CFAP20DC: variants seen among roughly 807,000 people sequenced by gnomAD.
CFAP20DC encodes the protein protein CFAP20DC.
A neutral mutation model predicts 101.7 loss-of-function variants in CFAP20DC; 84 were observed. The ratio of observed to expected loss-of-function variants is 0.83; its 90% confidence interval spans 0.69 to 0.99. The LOEUF is 0.99. Among genes scored for constraint, CFAP20DC ranks in the 50% least tolerant of loss-of-function variants. The probability of loss-of-function intolerance (pLI) is 0.00; values close to 1 mark genes in which losing one functional copy is unlikely to be tolerated. For synonymous variants in CFAP20DC, 359 were observed against 351.2 expected, an observed-to-expected ratio of 1.02 and a Z score of -0.25; for missense variants, 1,007 against 970.3, an observed-to-expected ratio of 1.04 and a Z score of -0.50.
rs116120408 is a variant in CFAP20DC, at chr3:58,884,448, A to G, written c.715+97T>C. ...ATACTCTGTTAAGTGCGAAGGATATAGAAGAATGAGGTACAGTGCCCTTTT... is the reference window on the plus strand; with the variant it reads ...ATACTCTGTTAAGTGCGAAGGATATGGAAGAATGAGGTACAGTGCCCTTTT... On this transcript the variant is annotated intron_variant, in intron 7 of 16. Transcript: ENST00000482387. 1,194 of 1,143,836 alleles carry G rather than the reference A, an allele frequency of 1.0e-3. 10 individuals carry two copies. In the African/African-American group the frequency reaches 0.017, roughly 16 times the overall value. The allele number at this position is 1,143,836 out of a possible 1,614,324, so 70.9% of individuals were successfully genotyped here.
At chr3:58,991,941 CA>C (rs1559955630) in intron 4 of CFAP20DC, among the ~76,000 whole-genome samples, 1 of 152,134 alleles carries the variant, frequency 6.6e-6, no homozygotes, top group African/African-American at 2.4e-5. Flanking sequence ...CAAGTAGGTT[CA>C]AAATGTTACT....
intron 10 of CFAP20DC, among the ~76,000 whole-genome samples, chr3:58,867,076 C>T (rs1232271153): frequency 6.6e-6 from 1 of 151,968 alleles, no homozygotes; most frequent in Non-Finnish European, 1.5e-5. Context: ...CTTTTTTCAT[C>T]AGCATGTTAA....
At position 59,002,773 on chromosome 3, in the gene CFAP20DC, G is replaced by C. The variant is rs1411507077; in HGVS notation, c.278+36784C>G. Among the ~76,000 whole-genome samples the C allele has an allele frequency of 6.6e-6, 1 of 152,130 alleles. No individual in the cohort carries two copies. Among genetic ancestry groups the C allele is most frequent in the Non-Finnish European group, 1.5e-5 (1 of 68,026 alleles). On this transcript the variant is annotated intron_variant, in intron 4 of 16. Transcript: ENST00000482387. The surrounding 1 kb of genome is among the most constrained non-coding windows in gnomAD (Gnocchi z 4.5). ...TTATTTTAAGTAAATATAAAAAAGAGAGCATTTGTGACCTTCTTTTAACAA... is the reference window on the plus strand; with the variant it reads ...TTATTTTAAGTAAATATAAAAAAGACAGCATTTGTGACCTTCTTTTAACAA...
At chr3:58,846,825 C>T (rs1385531484) in intron 13 of CFAP20DC, among the ~76,000 whole-genome samples, 1 of 147,376 alleles carries the variant, frequency 6.8e-6, no homozygotes, top group Non-Finnish European at 1.5e-5. Flanking sequence ...AGATATAGAT[C>T]AATGGAACAG....
intron 4 of CFAP20DC, among the ~76,000 whole-genome samples, chr3:58,972,224 G>A (rs2091992325): frequency 6.6e-6 from 1 of 152,142 alleles, no homozygotes. Flanking sequence ...TCATACCCAT[G>A]AGGGGAATCA....
At chr3:58,966,739 G>A (rs907413388) in intron 4 of CFAP20DC, among the ~76,000 whole-genome samples, 1 of 151,792 alleles carries the variant, frequency 6.6e-6, no homozygotes, top group African/African-American at 2.4e-5. Context: ...TGGCCAGCCT[G>A]GTCTCAAACT....
intron 15 of CFAP20DC, among the ~76,000 whole-genome samples, chr3:58,756,297 C>T (rs138149954): frequency 0.013 from 2,047 of 152,124 alleles, 30 homozygotes; most frequent in Non-Finnish European, 0.024. Context: ...TGGAAGTTAC[C>T]GAAAGTAGCT....
chr3:58,781,733 A>C (rs2071847354), intron 15 of CFAP20DC, among the ~76,000 whole-genome samples: 1 of 152,150 alleles, frequency 6.6e-6, no homozygotes, highest in East Asian at 1.9e-4. Flanking sequence ...AGATTAAATC[A>C]AGAAGAAACA....
intron 7 of CFAP20DC, among the ~76,000 whole-genome samples, chr3:58,883,279 G>T (rs1424263086): frequency 6.6e-6 from 1 of 152,108 alleles, no homozygotes; most frequent in Non-Finnish European, 1.5e-5. Flanking sequence ...TTTAAGCCTG[G>T]ATTGCTGCAG....
chr3:58,949,459 G>A (rs576369110), intron 4 of CFAP20DC, among the ~76,000 whole-genome samples: 97 of 152,040 alleles, frequency 6.4e-4, no homozygotes, highest in African/African-American at 2.1e-3. Context: ...CTTTGAATGC[G>A]TCCCAGAGAT....
chr3:58,870,248 ATGACAAACATCT>A lies in CFAP20DC; in HGVS notation c.765_776del (p.Gln255_Cys258del). On this transcript the variant is annotated inframe_deletion, in exon 8 of 17. Coordinates refer to ENST00000482387, the MANE Select transcript of CFAP20DC (RefSeq NM_001394063.1). The stretch of plus-strand genomic sequence containing the variant: ...CAAGAACTTTGGATCCAAATGCGAT[ATGACAAACATCT>A]TGATTTTTACTGTTCCGTGTAATAC... 3.1e-6 allele frequency: 5 copies of A among 1,614,040 alleles called. No individual in the cohort carries two copies. The highest frequency in any genetic ancestry group is 4.2e-6 in the Non-Finnish European group (5 of 1,179,878).
chr3:58,733,455 C>A (rs534533501), intron 3 of CFAP20DC, among the ~76,000 whole-genome samples: 1 of 152,084 alleles, frequency 6.6e-6, no homozygotes, highest in Admixed American at 6.5e-5. Flanking sequence ...AATGTATTAA[C>A]AGATAAAGAT....
chr3:59,017,354 A>G (rs931133665), intron 4 of CFAP20DC: 1 of 152,058 alleles, frequency 6.6e-6, no homozygotes, highest in Non-Finnish European at 1.5e-5. Flanking sequence ...CATCCCAAAA[A>G]ACTTGCGATT....
At chr3:58,759,602 C>T (rs1264234976) in intron 15 of CFAP20DC, among the ~76,000 whole-genome samples, 2 of 152,164 alleles carry the variant, frequency 1.3e-5, no homozygotes. Flanking sequence ...GACATGAAGT[C>T]CTTGCCCATG....
intron 6 of CFAP20DC, among the ~76,000 whole-genome samples, chr3:58,901,404 T>G (rs995722126): frequency 3.3e-5 from 5 of 152,224 alleles, no homozygotes; most frequent in Admixed American, 3.3e-4. Flanking sequence ...CTGTGTGACC[T>G]TGGCACAACA....
intron 15 of CFAP20DC, among the ~76,000 whole-genome samples, chr3:58,791,439 G>A (rs377408171): frequency 1.2e-4 from 19 of 152,042 alleles, no homozygotes; most frequent in African/African-American, 4.1e-4. Flanking sequence ...CCAACCTTTT[G>A]ATTCTAGAGA....
chr3:58,959,972 T>C (rs1398670393), intron 4 of CFAP20DC, among the ~76,000 whole-genome samples: 5 of 152,230 alleles, frequency 3.3e-5, no homozygotes, highest in Admixed American at 2.0e-4. Flanking sequence ...TTAAATTTTC[T>C]GGTTTTTTTT....
At chr3:58,774,881 G>A (rs777775032) in intron 15 of CFAP20DC, among the ~76,000 whole-genome samples, 1 of 152,138 alleles carries the variant, frequency 6.6e-6, no homozygotes, top group Non-Finnish European at 1.5e-5. Context: ...GCTGTCTGGA[G>A]TTTTATCTGT....
intron 12 of CFAP20DC, among the ~76,000 whole-genome samples, chr3:58,849,922 A>G (rs1163587216): frequency 2.6e-5 from 4 of 152,198 alleles, no homozygotes; most frequent in African/African-American, 7.2e-5. Flanking sequence ...TTTCAAGAGC[A>G]ATGGATAATG....
Sources: allele counts gnomAD v4.1 joint callset (sites outside exome capture counted in the v4.1 genomes callset), GRCh38; gene constraint gnomAD v4.1.1; non-coding constraint Gnocchi (gnomAD v3.1); transcripts MANE v1.5; gene names NCBI Gene and HGNC (gene_info 2026-07-23, HGNC 2026-07-21).